Variants in ATL3 observed in about 807,000 individuals in gnomAD.
The protein encoded by ATL3 is atlastin GTPase 3.
In ATL3, 49 loss-of-function variants were observed where a neutral mutation model predicts 69.5. The observed-to-expected ratio is 0.71, with a 90% confidence interval of 0.56 to 0.89. The LOEUF is 0.89. Ranked by LOEUF, ATL3 falls within the 40% of genes least tolerant of loss-of-function variation. The probability of loss-of-function intolerance (pLI) is 0.00; values close to 1 mark genes in which losing one functional copy is unlikely to be tolerated. For synonymous variants in ATL3, 214 were observed against 224.1 expected, an observed-to-expected ratio of 0.95 and a Z score of 0.40; for missense variants, 606 against 645.7, an observed-to-expected ratio of 0.94 and a Z score of 0.67.
intron 10 of ATL3, among the ~76,000 whole-genome samples, 160 bp downstream of exon 10, chr11:63,635,374 C>A (rs1042773797): frequency 6.7e-6 from 1 of 149,242 alleles, no homozygotes; most frequent in Admixed American, 6.9e-5. Flanking sequence ...TAGAAAAGGT[C>A]GCCACACTAC....
intron 1 of ATL3, among the ~76,000 whole-genome samples, chr11:63,662,180 T>C (rs867943182): frequency 7.0e-5 from 10 of 143,292 alleles, no homozygotes; most frequent in Middle Eastern, 3.8e-3. Context: ...GCCACTGCAC[T>C]CCAGCCTAGA....
Position 63,626,426 on chromosome 11 carries a change from A to G in ATL3, c.*2893T>C, listed in dbSNP as rs1939114826. On this transcript the variant is annotated 3_prime_UTR_variant, in exon 13 of 13. Coordinates refer to ENST00000398868, the MANE Select transcript of ATL3 (RefSeq NM_015459.5). ...CAAGGCATGACTCTGAAGGTGTTTT[A>G]TCATACATAGTAGTTTGTCTCATTT... is the stretch of plus-strand genomic sequence containing the variant. 1 of 152,200 alleles carries G rather than the reference A, an allele frequency of 6.6e-6. No individual in the cohort carries two copies. Among genetic ancestry groups the G allele is most frequent in the African/African-American group, 2.4e-5 (1 of 41,448 alleles). The allele number at this position is 152,200 out of a possible 1,614,324, so 9.4% of individuals were successfully genotyped here.
chr11:63,664,551 C>T (rs1323970855), intron 1 of ATL3, among the ~76,000 whole-genome samples: 1 of 151,262 alleles, frequency 6.6e-6, no homozygotes, highest in Non-Finnish European at 1.5e-5. Flanking sequence ...TAAAAAAAAG[C>T]GTACTGAGCA....
chr11:63,646,631 A>G (rs1014663958), intron 5 of ATL3, 68 bp from the exon 6 acceptor site: 3 of 1,051,014 alleles, frequency 2.9e-6, no homozygotes, highest in African/African-American at 1.6e-5. Flanking sequence ...CCTTTTTAGC[A>G]AAGTATTCAT....
intron 6 of ATL3, among the ~76,000 whole-genome samples, chr11:63,645,616 G>A (rs1006877167): frequency 5.3e-5 from 8 of 151,734 alleles, no homozygotes; most frequent in African/African-American, 1.9e-4. Context: ...GTGTTGAGAC[G>A]GTCTTGCTTT....
At chr11:63,636,383 T>A in intron 8 of ATL3, 49 bp from the exon 9 acceptor site, 1 of 1,611,432 alleles carries the variant, frequency 6.2e-7, no homozygotes, top group Non-Finnish European at 8.5e-7. Flanking sequence ...ACAGCCTTAT[T>A]CAACCAAGGT....
intron 11 of ATL3, chr11:63,632,819 T>C (rs1939367090): frequency 1.4e-6 from 1 of 714,370 alleles, no homozygotes; most frequent in South Asian, 1.9e-5. Context: ...CTATTTGCTA[T>C]TCAAAACAAA....
chr11:63,651,531 T>C (rs1356868312), intron 5 of ATL3, among the ~76,000 whole-genome samples: 1 of 152,132 alleles, frequency 6.6e-6, no homozygotes, highest in Non-Finnish European at 1.5e-5. Context: ...AGACCCAGAA[T>C]GAGTGGGACC....
chr11:63,637,387 A>G (rs1200966690), intron 8 of ATL3, among the ~76,000 whole-genome samples: 1 of 152,168 alleles, frequency 6.6e-6, no homozygotes, highest in Admixed American at 6.5e-5. Context: ...CTTTAAATCA[A>G]TTAGAAATCA....
intron 3 of ATL3, among the ~76,000 whole-genome samples, chr11:63,653,127 T>C (rs1940132548): frequency 6.6e-6 from 1 of 151,492 alleles, no homozygotes; most frequent in Non-Finnish European, 1.5e-5. Flanking sequence ...GGCCAGGAGT[T>C]CCAGACCAGC....
In ATL3 at chr11:63,635,576, AATT is replaced by A. The variant is rs751902951; in HGVS notation, c.990_992del (p.Lys330_Ile331delinsAsn). The A allele has an allele frequency of 6.2e-7, 1 of 1,608,464 alleles. No homozygotes were observed. Among genetic ancestry groups the A allele is most frequent in the East Asian group, 2.2e-5 (1 of 44,826 alleles). On this transcript the variant is annotated inframe_deletion, in exon 10 of 13. Transcript: ENST00000398868. ...GGTGAGGCAGATCTTCTCCTTGATA[AATT>A]TTAATATATGCCTTAAAATATAAAC...
intron 10 of ATL3, among the ~76,000 whole-genome samples, chr11:63,633,682 C>T (rs1369291744): frequency 6.8e-6 from 1 of 147,312 alleles, no homozygotes; most frequent in African/African-American, 2.5e-5. Flanking sequence ...CCACACCTGG[C>T]TCCATTGCTC....
chr11:63,670,378 G>C (rs1940733305), intron 1 of ATL3: 1 of 152,198 alleles, frequency 6.6e-6, no homozygotes, highest in Non-Finnish European at 1.5e-5. Flanking sequence ...GTTATTCTAA[G>C]ACTGACAAAA....
At chr11:63,659,626 C>G (rs574176252) in intron 1 of ATL3, among the ~76,000 whole-genome samples, 184 of 151,894 alleles carry the variant, frequency 1.2e-3, no homozygotes, top group African/African-American at 4.2e-3. Context: ...AAACAAAAAA[C>G]GGACACAAAA....
chr11:63,645,270 C>CT (rs1284826974), intron 6 of ATL3, among the ~76,000 whole-genome samples: 2 of 151,334 alleles, frequency 1.3e-5, no homozygotes, highest in East Asian at 3.9e-4. Flanking sequence ...AGCCGGGCGC[C>CT]TGAAATCCCA....
At chr11:63,658,196 C>T (rs1293921510) in intron 3 of ATL3, among the ~76,000 whole-genome samples, 1 of 152,056 alleles carries the variant, frequency 6.6e-6, no homozygotes, top group Non-Finnish European at 1.5e-5. Context: ...CAAAATGTAA[C>T]AGGCAGAAGG....
rs572464638 is a variant in ATL3, at chr11:63,647,950, G to A, written c.562-1387C>T. Among the ~76,000 whole-genome samples the A allele has an allele frequency of 2.5e-4, 38 of 152,296 alleles. No homozygotes were observed. The South Asian group carries it at 7.9e-3, about 32-fold the overall frequency. ...TTATCTCAGTAGAAATCCCTGAAATGCTCAGAAATTATAAGCATACAGTTA... is the reference window on the plus strand; with the variant it reads ...TTATCTCAGTAGAAATCCCTGAAATACTCAGAAATTATAAGCATACAGTTA... On this transcript the variant is annotated intron_variant, in intron 5 of 12. Transcript: ENST00000398868.
rs1419672030 is a variant in ATL3 at position 63,637,030 on chromosome 11, G to A, written c.851-696C>T. Reference sequence around the variant, plus strand: ...GTGGTGGCTCACGCCTGTAATCCCAGCACTTTGGGAGGTCAAGGCGGGTGG... The same window carrying A: ...GTGGTGGCTCACGCCTGTAATCCCAACACTTTGGGAGGTCAAGGCGGGTGG... On this transcript the variant is annotated intron_variant, in intron 8 of 12. Coordinates refer to ENST00000398868, the MANE Select transcript of ATL3 (RefSeq NM_015459.5). Among the ~76,000 whole-genome samples, 3 of 152,138 alleles carry A rather than the reference G, an allele frequency of 2.0e-5. No homozygotes were observed. In the East Asian group the frequency reaches 5.8e-4, roughly 29 times the overall value.
intron 3 of ATL3, among the ~76,000 whole-genome samples, chr11:63,655,584 A>C (rs532327102): frequency 6.0e-5 from 9 of 151,166 alleles, no homozygotes; most frequent in Non-Finnish European, 1.0e-4. Context: ...AGTAGCTGGG[A>C]TTACAGGCAT....
Sources: gnomAD v4.1 joint callset for allele counts (sites outside exome capture counted in the v4.1 genomes callset) on GRCh38, gnomAD v4.1.1 for gene constraint, MANE v1.5 for transcripts, NCBI Gene and HGNC (gene_info 2026-07-23, HGNC 2026-07-21) for gene names.